The following RANBP2 variants were observed in gnomAD, a reference collection of about 807,000 sequenced individuals.
RANBP2 encodes E3 SUMO-protein ligase RanBP2.
Under a neutral mutation model 303.6 loss-of-function variants are expected in RANBP2, and 57 were observed. That is an observed-to-expected ratio of 0.19 (90% CI 0.15 to 0.23). RANBP2 has a LOEUF of 0.23. Ranked by LOEUF, RANBP2 falls within the 10% of genes least tolerant of loss-of-function variation. RANBP2 has a pLI of 1.00. For missense variants in RANBP2, 3,138 were observed against 3,780.8 expected (o/e 0.83, Z 4.46); for synonymous variants, 1,167 against 1,301.5 (o/e 0.90, Z 2.23).
chr2:109,177,553 G>A, the RANBP2 span, among the ~76,000 whole-genome samples: 1 of 152,044 alleles, frequency 6.6e-6, no homozygotes. Flanking sequence ...CTGCTCTGGG[G>A]GGGGGCACCA....
At chr2:108,734,593 A>C (rs3899168) in intron 4 of RANBP2, among the ~76,000 whole-genome samples, 5 of 152,042 alleles carry the variant, frequency 3.3e-5, no homozygotes, top group Admixed American at 3.3e-4. Flanking sequence ...GAAAGTGTGT[A>C]TATTTATATG....
chr2:109,264,004 T>C, the RANBP2 span, among the ~76,000 whole-genome samples: 13 of 152,284 alleles, frequency 8.5e-5, 1 homozygote, highest in East Asian at 2.5e-3. Context: ...GGACAAGTCA[T>C]TCCCTGGTCA....
the RANBP2 span, among the ~76,000 whole-genome samples, chr2:109,451,576 C>T: frequency 6.6e-6 from 1 of 152,374 alleles, no homozygotes; most frequent in East Asian, 1.9e-4. Context: ...TGCTGTTCCC[C>T]ATCACCCACC....
the RANBP2 span, among the ~76,000 whole-genome samples, chr2:109,732,219 G>T: frequency 2.6e-3 from 398 of 152,098 alleles, 2 homozygotes; most frequent in Non-Finnish European, 2.7e-3. Context: ...TTAATTAATT[G>T]CAGGCCTAGA....
In RANBP2 at chr2:108,771,467, T is replaced by A. The variant is rs147562834; in HGVS notation, c.7850-234T>A. On this transcript the variant is annotated intron_variant, in intron 20 of 28. Coordinates refer to ENST00000283195, the MANE Select transcript of RANBP2 (RefSeq NM_006267.5). ...TAAGTAAACACAAATTTTTTTTTGT[T>A]TTCTTTGGTTTTAAATAGATTCTGT... Among the ~76,000 whole-genome samples, 292 of 152,286 alleles carry A rather than the reference T, an allele frequency of 1.9e-3. 3 individuals carry two copies. Among genetic ancestry groups the A allele is most frequent in the African/African-American group, 6.8e-3 (283 of 41,574 alleles).
chr2:109,605,432 T>C, the RANBP2 span: 4 of 152,122 alleles, frequency 2.6e-5, no homozygotes, highest in Non-Finnish European at 4.4e-5. Context: ...ATCGTACCAC[T>C]GCACTCTACT....
At chr2:109,214,817 T>C in the RANBP2 span, among the ~76,000 whole-genome samples, 1 of 152,202 alleles carries the variant, frequency 6.6e-6, no homozygotes, top group Non-Finnish European at 1.5e-5. Flanking sequence ...GCAAGATCTA[T>C]GTATATTGGA....
chr2:109,141,144 C>G, the RANBP2 span, among the ~76,000 whole-genome samples: 1 of 152,196 alleles, frequency 6.6e-6, no homozygotes, highest in African/African-American at 2.4e-5. Flanking sequence ...ACCACACCCC[C>G]CGGAGCCCAG....
chr2:109,102,753 GGGTGTT>G, the RANBP2 span, among the ~76,000 whole-genome samples: 2 of 152,184 alleles, frequency 1.3e-5, no homozygotes, highest in Non-Finnish European at 2.9e-5. Context: ...CCTAAGTGCA[GGGTGTT>G]CTACTCTCTG....
At chr2:108,820,699 C>CAAAAAAAAA in the RANBP2 span, among the ~76,000 whole-genome samples, 57 of 62,552 alleles carry the variant, frequency 9.1e-4, no homozygotes, top group African/African-American at 3.0e-3. Flanking sequence ...ATTCAAAGTG[C>CAAAAAAAAA]AAAAAAAAAA....
the RANBP2 span, among the ~76,000 whole-genome samples, chr2:109,071,411 C>T: frequency 6.6e-5 from 10 of 152,254 alleles, no homozygotes; most frequent in African/African-American, 9.6e-5. Context: ...CAGTGGCTCA[C>T]GGCAGTAATC....
the RANBP2 span, among the ~76,000 whole-genome samples, chr2:109,093,422 A>G: frequency 1.7e-3 from 253 of 151,394 alleles, 2 homozygotes; most frequent in East Asian, 3.9e-3. Flanking sequence ...AAAAAAAAAA[A>G]AAAGAAAGAA....
At chr2:108,793,560 C>T in the RANBP2 span, among the ~76,000 whole-genome samples, 2 of 151,906 alleles carry the variant, frequency 1.3e-5, no homozygotes, top group African/African-American at 2.4e-5. Context: ...AGCAATTTTG[C>T]TACTACTTAT....
At chr2:109,256,928 G>T in the RANBP2 span, among the ~76,000 whole-genome samples, 1 of 152,188 alleles carries the variant, frequency 6.6e-6, no homozygotes, top group Admixed American at 6.5e-5. Flanking sequence ...AACGGTGGTG[G>T]ATGGAGATGT....
At chr2:109,430,271 G>C in the RANBP2 span, among the ~76,000 whole-genome samples, 1 of 152,266 alleles carries the variant, frequency 6.6e-6, no homozygotes, top group African/African-American at 2.4e-5. Flanking sequence ...TAAAGCAACA[G>C]ATGAGGCTAA....
chr2:109,477,387 C>T, the RANBP2 span, among the ~76,000 whole-genome samples: 1 of 152,236 alleles, frequency 6.6e-6, no homozygotes, highest in African/African-American at 2.4e-5. Context: ...TCCCCACAGC[C>T]ACTGTCCTTG....
the RANBP2 span, among the ~76,000 whole-genome samples, chr2:108,843,428 G>A: frequency 6.6e-6 from 1 of 152,340 alleles, no homozygotes; most frequent in South Asian, 2.1e-4. Context: ...AAAGTGCTGG[G>A]ATTACAGGCA....
At chr2:109,652,442 G>A in the RANBP2 span, among the ~76,000 whole-genome samples, 95 of 152,238 alleles carry the variant, frequency 6.2e-4, no homozygotes, top group Non-Finnish European at 7.1e-4. Flanking sequence ...AGCCAGGATG[G>A]TCTTGATCTC....
At chr2:109,640,760 G>A in the RANBP2 span, among the ~76,000 whole-genome samples, 25 of 152,242 alleles carry the variant, frequency 1.6e-4, no homozygotes, top group East Asian at 3.7e-3. Flanking sequence ...TCTGACCGCT[G>A]TTTACTGAAC....
Sources: gnomAD v4.1 joint callset for allele counts (sites outside exome capture counted in the v4.1 genomes callset) on GRCh38, gnomAD v4.1.1 for gene constraint, MANE v1.5 for transcripts, NCBI Gene and HGNC (gene_info 2026-07-23, HGNC 2026-07-21) for gene names.